TGFBR3: variants seen among roughly 807,000 people sequenced by gnomAD.
The protein encoded by TGFBR3 is transforming growth factor beta receptor type 3.
Under a neutral mutation model 87.9 loss-of-function variants are expected in TGFBR3, and 46 were observed. The ratio of observed to expected loss-of-function variants is 0.52; its 90% CI spans 0.41 to 0.67. The LOEUF (loss-of-function observed/expected upper bound fraction) is 0.67, where lower values mean the gene tolerates loss of function less well. TGFBR3 is among the 30% of genes least tolerant of loss of function. TGFBR3 has a pLI of 0.00. For missense variants in TGFBR3, 866 were observed against 1,041.9 expected, an observed-to-expected ratio of 0.83 and a Z score of 2.32; for synonymous variants, 381 against 391.6, an observed-to-expected ratio of 0.97 and a Z score of 0.32.
Position 91,683,739 on chromosome 1 carries a change from C to T in TGFBR3, c.2556G>A (p.Ter852=). The T allele has an allele frequency of 1.3e-6, 2 of 1,559,476 alleles. No homozygotes were observed. Residue 852 remains the stop codon, a stop_retained_variant, in exon 17 of 17, where the codon TAG becomes TAA. Coordinates refer to ENST00000212355, the MANE Select transcript of TGFBR3 (RefSeq NM_003243.5). ...STPCSSSSTA[*] ...TTGGGCCGGGTTGGGCTGGGTTGGG[C>T]TAGGCCGTGCTGCTGCTGGAGCAAG...
At chr1:91,780,703 G>A (rs768053169) in intron 3 of TGFBR3, among the ~76,000 whole-genome samples, 4 of 151,796 alleles carry the variant, frequency 2.6e-5, no homozygotes, top group Admixed American at 6.6e-5. Context: ...GAGAATACAG[G>A]CATGCGTCAC....
intron 4 of TGFBR3, among the ~76,000 whole-genome samples, chr1:91,753,931 C>T (rs1673647873): frequency 6.6e-6 from 1 of 152,154 alleles, no homozygotes; most frequent in East Asian, 1.9e-4. Context: ...TTCTTGGGGA[C>T]ATGTGTTTTG....
At chr1:91,713,732 G>A (rs1186139767) in intron 12 of TGFBR3, among the ~76,000 whole-genome samples, 1 of 152,206 alleles carries the variant, frequency 6.6e-6, no homozygotes, top group East Asian at 1.9e-4. Flanking sequence ...TAATGTCACT[G>A]TGGTGACATT....
intron 1 of TGFBR3, among the ~76,000 whole-genome samples, chr1:91,902,472 A>G (rs12090417): frequency 0.43 from 66,005 of 151,770 alleles, 14,832 homozygotes; most frequent in Non-Finnish European, 0.51. Flanking sequence ...TTGTAGAGAC[A>G]GGGTCTTGCC....
intron 1 of TGFBR3, among the ~76,000 whole-genome samples, chr1:91,880,226 C>T (rs1053274378): frequency 6.6e-6 from 1 of 151,928 alleles, no homozygotes; most frequent in Non-Finnish European, 1.5e-5. Context: ...CATTAAAGGC[C>T]CCTAAAAACA....
intron 14 of TGFBR3, among the ~76,000 whole-genome samples, chr1:91,702,461 A>G (rs1671654986): frequency 6.6e-6 from 1 of 151,962 alleles, no homozygotes; most frequent in African/African-American, 2.4e-5. Flanking sequence ...CCTGGCTAAC[A>G]CTGTGAAACC....
At chr1:91,868,310 G>A (rs1678454935) in intron 1 of TGFBR3, among the ~76,000 whole-genome samples, 1 of 152,132 alleles carries the variant, frequency 6.6e-6, no homozygotes. Flanking sequence ...CAAACTACTA[G>A]TAGCAAGGCA....
At chr1:91,801,958 A>C (rs1247690640) in intron 2 of TGFBR3, among the ~76,000 whole-genome samples, 1 of 152,222 alleles carries the variant, frequency 6.6e-6, no homozygotes, top group African/African-American at 2.4e-5. Flanking sequence ...AGTGAAAAAA[A>C]TTAAGACTTA....
At chr1:91,873,614 T>G (rs1477329432) in intron 1 of TGFBR3, among the ~76,000 whole-genome samples, 1 of 152,108 alleles carries the variant, frequency 6.6e-6, no homozygotes, top group African/African-American at 2.4e-5. Flanking sequence ...TTTTCCCTTT[T>G]TAATGCCCTG....
At chr1:91,880,483 A>C (rs1169388346) in intron 1 of TGFBR3, among the ~76,000 whole-genome samples, 1 of 152,086 alleles carries the variant, frequency 6.6e-6, no homozygotes, top group Non-Finnish European at 1.5e-5. Context: ...CTGTAGTCTC[A>C]GCTACTCGGG....
At chr1:91,783,926 C>A (rs1005452678) in intron 3 of TGFBR3, among the ~76,000 whole-genome samples, 2 of 152,326 alleles carry the variant, frequency 1.3e-5, no homozygotes, top group Non-Finnish European at 2.9e-5. Context: ...TCACCCCCTA[C>A]ATCATGAGGA....
chr1:91,718,106 G>C (rs1479993480), intron 10 of TGFBR3, among the ~76,000 whole-genome samples: 1 of 152,208 alleles, frequency 6.6e-6, no homozygotes, highest in East Asian at 1.9e-4. Flanking sequence ...GGCCTAGCCT[G>C]GTGTCTAGGA....
chr1:91,694,216 C>T (rs1671356696), intron 16 of TGFBR3, among the ~76,000 whole-genome samples: 1 of 152,202 alleles, frequency 6.6e-6, no homozygotes, highest in Admixed American at 6.5e-5. Context: ...TGGTCTTGAA[C>T]TCCTGGGCTC....
At chr1:91,684,772 C>T (rs566823339) in intron 16 of TGFBR3, among the ~76,000 whole-genome samples, 12 of 152,280 alleles carry the variant, frequency 7.9e-5, no homozygotes, top group Non-Finnish European at 1.3e-4. Flanking sequence ...TAGGGAAAAG[C>T]GATCAGGGCT....
At chr1:91,797,580 G>C in intron 2 of TGFBR3, 109 bp from the exon 3 acceptor site, 1 of 1,226,402 alleles carries the variant, frequency 8.2e-7, no homozygotes, top group South Asian at 1.3e-5. Flanking sequence ...GCCTTTCCAG[G>C]TAAACTGTTC....
intron 1 of TGFBR3, among the ~76,000 whole-genome samples, chr1:91,864,849 A>G (rs985438690): frequency 9.8e-5 from 15 of 152,318 alleles, no homozygotes; most frequent in African/African-American, 2.6e-4. Flanking sequence ...GGGACTCCCA[A>G]TCCTGACTTT....
At chr1:91,832,411 CTAA>C (rs1676884204) in intron 2 of TGFBR3, among the ~76,000 whole-genome samples, 1 of 152,138 alleles carries the variant, frequency 6.6e-6, no homozygotes, top group African/African-American at 2.4e-5. Context: ...CCACATTTGG[CTAA>C]TAATAACATT....
intron 2 of TGFBR3, among the ~76,000 whole-genome samples, chr1:91,830,705 T>G (rs1000226520): frequency 9.2e-5 from 14 of 152,040 alleles, no homozygotes; most frequent in Admixed American, 3.9e-4. Context: ...CCCTGACAGA[T>G]CTCGGTCTGG....
chr1:91,887,799 A>G (rs1229377557), upstream of TGFBR3, among the ~76,000 whole-genome samples: 1 of 152,126 alleles, frequency 6.6e-6, no homozygotes, highest in East Asian at 1.9e-4. Context: ...CCTTACCAAT[A>G]TTCATTGAGC....
Sources: gnomAD v4.1 joint callset for allele counts (sites outside exome capture counted in the v4.1 genomes callset) on GRCh38, gnomAD v4.1.1 for gene constraint, MANE v1.5 for transcripts, NCBI Gene and HGNC (gene_info 2026-07-23, HGNC 2026-07-21) for gene names.